Variants in CECR2 observed in about 807,000 individuals in gnomAD.
CECR2 encodes the protein chromatin remodeling regulator CECR2.
In CECR2, 30 loss-of-function variants were observed where a neutral mutation model predicts 154.5. The ratio of observed to expected loss-of-function variants is 0.19; its 90% CI spans 0.15 to 0.26. The LOEUF (loss-of-function observed/expected upper bound fraction) is 0.26, where lower values mean the gene tolerates loss of function less well. Ranked by LOEUF, CECR2 falls within the 10% of genes least tolerant of loss-of-function variation. CECR2 has a pLI of 1.00. For missense variants in CECR2, 1,743 were observed against 1,829.3 expected (o/e 0.95, Z 0.86); for synonymous variants, 725 against 683.7 (o/e 1.06, Z -0.94).
chr22:17,438,343 TCA>T (rs3079486), intron 1 of CECR2, among the ~76,000 whole-genome samples: 1 of 147,900 alleles, frequency 6.8e-6, no homozygotes, highest in Non-Finnish European at 1.5e-5. Context: ...TCCTTTCTCA[TCA>T]CATGTTTTGG....
intron 1 of CECR2, among the ~76,000 whole-genome samples, chr22:17,401,581 T>C (rs2053892378): frequency 6.6e-6 from 1 of 152,142 alleles, no homozygotes; most frequent in Admixed American, 6.5e-5. Context: ...GCTCTTTTGA[T>C]GTTGTTCCTG....
At chr22:17,437,613 G>A (rs1310047674) in intron 1 of CECR2, among the ~76,000 whole-genome samples, 1 of 151,990 alleles carries the variant, frequency 6.6e-6, no homozygotes, top group Non-Finnish European at 1.5e-5. Context: ...GTATATTACT[G>A]TAGACATACT....
chr22:17,415,550 T>G (rs1329450282), intron 1 of CECR2, among the ~76,000 whole-genome samples: 1 of 152,196 alleles, frequency 6.6e-6, no homozygotes, highest in Non-Finnish European at 1.5e-5. Flanking sequence ...CCTACTGTTT[T>G]TTAATGGTTC....
chr22:17,512,028 C>A, intron 8 of CECR2, 132 bp downstream of exon 8: 1 of 681,004 alleles, frequency 1.5e-6, no homozygotes, highest in Non-Finnish European at 2.5e-6. Context: ...ATTTAGCAAT[C>A]TTATGCTTAA....
chr22:17,529,769 G>C (rs1601522067), intron 9 of CECR2, among the ~76,000 whole-genome samples: 2 of 151,852 alleles, frequency 1.3e-5, no homozygotes, highest in Admixed American at 1.3e-4. Flanking sequence ...AGTCACAAAT[G>C]ATAGTTTTCT....
Position 17,499,540 on chromosome 22 carries a change from C to T in CECR2, c.536C>T (p.Ser179Phe). 2 of 1,608,826 alleles carry T rather than the reference C, an allele frequency of 1.2e-6. No homozygotes were observed. Among genetic ancestry groups the T allele is most frequent in the Non-Finnish European group, 1.7e-6 (2 of 1,177,418 alleles). ...CAAGGAAAATCCAATGGAGAACTCT[C>T]TTTGAGCAGGTATGTTCTTCAGTGT... ...PVQGKSNGEL[S>F]LSRESEGQKN... The change falls in exon 4 of 19, where the codon TCT (serine) becomes TTT (phenylalanine). Residue 179 changes from serine (S) to phenylalanine (F), a missense_variant. Around this residue, in one of 4 missense-constraint regions of CECR2, gnomAD observed 292 missense variants for 301.2 expected, o/e 0.97. Transcript: ENST00000262608.
At chr22:17,403,296 A>G (rs956234550) in intron 1 of CECR2, among the ~76,000 whole-genome samples, 1 of 151,932 alleles carries the variant, frequency 6.6e-6, no homozygotes, top group African/African-American at 2.4e-5. Flanking sequence ...TTGTTTGGCT[A>G]TACCCACTTT....
chr22:17,504,640 A>G (rs2055803203), intron 6 of CECR2, among the ~76,000 whole-genome samples: 1 of 150,582 alleles, frequency 6.6e-6, no homozygotes, highest in Admixed American at 6.6e-5. Flanking sequence ...ACGGGGTTTC[A>G]CCGTGTTAGC....
rs199784163 is a variant in CECR2, at chr22:17,401,514, C to G, written c.126+31605C>G. ...TTTCTCTCAGGGTGACCCCCCCAAT[C>G]TGCTTTCTGTTACTGTATGTTAGTT... On this transcript the variant is annotated intron_variant, in intron 1 of 18. Coordinates refer to ENST00000262608, the MANE Select transcript of CECR2 (RefSeq NM_001290047.2). Among the ~76,000 whole-genome samples, 5 of 152,056 alleles carry G rather than the reference C, an allele frequency of 3.3e-5. No homozygotes were observed. The East Asian group carries it at 9.7e-4, about 29-fold the overall frequency.
chr22:17,516,417 G>A (rs547075724), intron 8 of CECR2, among the ~76,000 whole-genome samples: 7 of 152,144 alleles, frequency 4.6e-5, no homozygotes, highest in East Asian at 3.9e-4. Flanking sequence ...AGCATATTAC[G>A]ATAAATCCCT....
chr22:17,422,319 C>T (rs2054268306), intron 1 of CECR2, among the ~76,000 whole-genome samples: 1 of 152,038 alleles, frequency 6.6e-6, no homozygotes, highest in South Asian at 2.1e-4. Flanking sequence ...TGCCTCAGTC[C>T]CCCGAGTAGC....
At chr22:17,421,614 CAAAAAAAAAAAAAAAAAA>C (rs34156323) in intron 1 of CECR2, among the ~76,000 whole-genome samples, 2 of 23,362 alleles carry the variant, frequency 8.6e-5, no homozygotes, top group Admixed American at 8.0e-4. Flanking sequence ...GACTCCGTCT[CAAAAAAAAAAAAAAAAAA>C]AAAAAAAAAA....
At position 17,477,593 on chromosome 22, in the gene CECR2, A is replaced by C; in HGVS notation, c.132A>C (p.Leu44Phe). 1.2e-6 allele frequency: 2 copies of C among 1,610,434 alleles called. No homozygotes were observed. Among genetic ancestry groups the C allele is most frequent in the Non-Finnish European group, 1.7e-6 (2 of 1,176,922 alleles). Residue 44 changes from leucine to phenylalanine, a missense_variant, in exon 2 of 19, where the codon TTA becomes TTC. Physicochemically the swap from Leu to Phe is conservative, Grantham distance 22. Around this residue, in one of 4 missense-constraint regions of CECR2, gnomAD observed 98 missense variants for 169.3 expected, o/e 0.58. Transcript: ENST00000262608. ...FRLPDFEIEE[L>F]EAALHRDDVE... ...TCCCTCTCTCCCTCCCTCAGGAGTTAGAAGCCGCTCTTCACAGAGATGACG... is the reference window on the plus strand; with the variant it reads ...TCCCTCTCTCCCTCCCTCAGGAGTTCGAAGCCGCTCTTCACAGAGATGACG...
chr22:17,461,033 C>T (rs1255695045), intron 1 of CECR2, among the ~76,000 whole-genome samples: 1 of 152,148 alleles, frequency 6.6e-6, no homozygotes, highest in Non-Finnish European at 1.5e-5. Flanking sequence ...ACCTGTCAAT[C>T]CTGTGGTTGC....
At chr22:17,490,145 TTTTG>T (rs755230477) in intron 2 of CECR2, among the ~76,000 whole-genome samples, 7 of 94,356 alleles carry the variant, frequency 7.4e-5, no homozygotes, top group African/African-American at 2.4e-4. Context: ...ACTGTTTTTT[TTTTG>T]TGTGTGTGTG....
intron 1 of CECR2, among the ~76,000 whole-genome samples, chr22:17,463,664 T>A (rs960111248): frequency 1.3e-5 from 2 of 152,108 alleles, no homozygotes; most frequent in East Asian, 3.9e-4. Flanking sequence ...GGTTTGGTTC[T>A]GTTAAGTTTG....
intron 1 of CECR2, 91 bp from the exon 2 acceptor site, chr22:17,477,497 A>G (rs2055228808): frequency 3.5e-6 from 3 of 846,934 alleles, no homozygotes; most frequent in Non-Finnish European, 5.9e-6. Flanking sequence ...GGGACCATTC[A>G]GTTCTTGGGG....
intron 8 of CECR2, among the ~76,000 whole-genome samples, chr22:17,518,455 T>C (rs1388769134): frequency 6.6e-6 from 1 of 152,222 alleles, no homozygotes; most frequent in Non-Finnish European, 1.5e-5. Context: ...CCAGTGGTAA[T>C]GTTTCCTGGC....
intron 1 of CECR2, among the ~76,000 whole-genome samples, chr22:17,418,263 A>G (rs969052147): frequency 3.1e-4 from 47 of 152,294 alleles, no homozygotes; most frequent in Admixed American, 2.6e-3. Context: ...CAATCATAAC[A>G]TATGCCGTTT....
Sources: gnomAD v4.1 joint callset for allele counts (sites outside exome capture counted in the v4.1 genomes callset) on GRCh38, gnomAD v4.1.1 for gene constraint, gnomAD v4.1.1 regional missense constraint, MANE v1.5 for transcripts, NCBI Gene and HGNC (gene_info 2026-07-23, HGNC 2026-07-21) for gene names.